Variants in NRG3 observed in about 807,000 individuals in gnomAD.
NRG3 encodes pro-neuregulin-3, membrane-bound isoform.
NRG3 carries 31 observed loss-of-function variants against 66.9 expected under a neutral mutation model. That is an observed-to-expected ratio of 0.46 (90% CI 0.35 to 0.63). The LOEUF is 0.63. NRG3 is among the 20% of genes least tolerant of loss of function. The probability of loss-of-function intolerance (pLI) is 0.00; values close to 1 mark genes in which losing one functional copy is unlikely to be tolerated. For missense variants in NRG3, 910 were observed against 878.9 expected (o/e 1.04, Z -0.45); for synonymous variants, 393 against 359.4 (o/e 1.09, Z -1.06).
At chr10:82,142,766 C>CTTTTTT (rs3036609) in intron 1 of NRG3, among the ~76,000 whole-genome samples, 3 of 110,630 alleles carry the variant, frequency 2.7e-5, no homozygotes, top group African/African-American at 3.5e-5. Flanking sequence ...CTCTCTCGCT[C>CTTTTTT]TTTTTTTTTT....
At chr10:82,894,041 G>A (rs1038356327) in intron 4 of NRG3, among the ~76,000 whole-genome samples, 2 of 152,126 alleles carry the variant, frequency 1.3e-5, no homozygotes, top group African/African-American at 4.8e-5. Flanking sequence ...AAACGTACCA[G>A]CAACACAATT....
chr10:82,211,370 C>T (rs1291323855), intron 1 of NRG3, among the ~76,000 whole-genome samples: 3 of 152,142 alleles, frequency 2.0e-5, no homozygotes, highest in Non-Finnish European at 4.4e-5. Context: ...AAAGAAACTT[C>T]TGGGCAGGAA....
chr10:82,915,190 CTA>C (rs1845710861), intron 4 of NRG3, among the ~76,000 whole-genome samples: 1 of 152,204 alleles, frequency 6.6e-6, no homozygotes, highest in Admixed American at 6.5e-5. Flanking sequence ...TCCCTGTAAT[CTA>C]TAACTGTATT....
intron 1 of NRG3, among the ~76,000 whole-genome samples, chr10:82,257,437 G>A (rs866073337): frequency 1.3e-5 from 2 of 152,018 alleles, no homozygotes; most frequent in Non-Finnish European, 2.9e-5. Flanking sequence ...TTTTGTAGGA[G>A]TGATTAGCAA....
At chr10:82,889,165 A>G (rs1189430317) in intron 4 of NRG3, among the ~76,000 whole-genome samples, 3 of 152,130 alleles carry the variant, frequency 2.0e-5, no homozygotes, top group African/African-American at 7.2e-5. Flanking sequence ...AGGGTAAAAC[A>G]ATCAGGTAGA....
chr10:81,878,242 A>ACAC, intron 1 of NRG3: 1 of 624,466 alleles, frequency 1.6e-6, no homozygotes, highest in Non-Finnish European at 2.7e-6. Flanking sequence ...GTTCACATAG[A>ACAC]CATATAAGCA....
intron 1 of NRG3, among the ~76,000 whole-genome samples, chr10:81,929,315 G>T (rs1162946802): frequency 6.6e-6 from 1 of 152,112 alleles, no homozygotes; most frequent in Non-Finnish European, 1.5e-5. Context: ...ACAAAAGTTG[G>T]ATTCCTCTCA....
chr10:82,202,518 G>A (rs2074892078), intron 1 of NRG3, among the ~76,000 whole-genome samples: 4 of 152,070 alleles, frequency 2.6e-5, no homozygotes, highest in Admixed American at 2.6e-4. Flanking sequence ...TTCGGTCAAT[G>A]AATAAGTGCT....
In NRG3 at chr10:82,373,811, A is replaced by G. The variant is rs959380330; in HGVS notation, c.953+14943A>G. 2.0e-5 allele frequency among the ~76,000 whole-genome samples: 3 copies of G among 152,330 alleles called. No homozygotes were observed. The East Asian group carries it at 5.8e-4, about 29-fold the overall frequency. ...GACAAGGTTTTATTTTCAGTGCACT[A>G]GAAAGCTCTTTCCTTTCTGCCTGGG... On this transcript the variant is annotated intron_variant, in intron 2 of 8. Transcript: ENST00000372141.
At chr10:82,085,551 A>G (rs1285830418) in intron 1 of NRG3, among the ~76,000 whole-genome samples, 1 of 152,062 alleles carries the variant, frequency 6.6e-6, no homozygotes. Context: ...AGAGAAGAAA[A>G]GGGGGACAGA....
intron 1 of NRG3, among the ~76,000 whole-genome samples, chr10:82,189,121 C>T (rs2073986365): frequency 2.0e-5 from 3 of 152,104 alleles, no homozygotes; most frequent in South Asian, 4.2e-4. Flanking sequence ...TCCCACTTCC[C>T]TTCCCAGCCT....
chr10:82,561,623 A>C (rs1450141867), intron 2 of NRG3, among the ~76,000 whole-genome samples: 1 of 152,154 alleles, frequency 6.6e-6, no homozygotes. Flanking sequence ...ACTGTGCTCC[A>C]TCCTGGGTTT....
intron 4 of NRG3, among the ~76,000 whole-genome samples, chr10:82,925,253 G>A (rs561458138): frequency 1.1e-4 from 17 of 152,350 alleles, no homozygotes; most frequent in Non-Finnish European, 1.9e-4. Context: ...AGTACAGGAA[G>A]ACAGTGTTTC....
intron 1 of NRG3, among the ~76,000 whole-genome samples, chr10:81,996,420 T>TA (rs1384023684): frequency 6.6e-6 from 1 of 152,208 alleles, no homozygotes; most frequent in Non-Finnish European, 1.5e-5. Context: ...TCTGTCACAA[T>TA]ATAGTAAGTT....
At chr10:82,473,527 G>T (rs1841471593) in intron 2 of NRG3, among the ~76,000 whole-genome samples, 1 of 152,134 alleles carries the variant, frequency 6.6e-6, no homozygotes, top group Admixed American at 6.5e-5. Context: ...ACTTTGTAGG[G>T]ACTCGGAAAT....
At chr10:82,563,921 G>A (rs1487947977) in intron 2 of NRG3, among the ~76,000 whole-genome samples, 1 of 151,954 alleles carries the variant, frequency 6.6e-6, no homozygotes, top group Admixed American at 6.6e-5. Flanking sequence ...AGTATCTTAA[G>A]ATGATATATT....
At chr10:82,438,638 G>T (rs2090272860) in intron 2 of NRG3, among the ~76,000 whole-genome samples, 1 of 152,202 alleles carries the variant, frequency 6.6e-6, no homozygotes, top group South Asian at 2.1e-4. Flanking sequence ...GCTTTCTGGG[G>T]TTGGGATGCT....
intron 3 of NRG3, among the ~76,000 whole-genome samples, chr10:82,795,683 A>G (rs1317231137): frequency 6.6e-6 from 1 of 152,220 alleles, no homozygotes; most frequent in African/African-American, 2.4e-5. Context: ...ATGGAAATCT[A>G]GTAAGCATCA....
At chr10:81,880,584 C>T (rs995990245) in intron 1 of NRG3, among the ~76,000 whole-genome samples, 1 of 152,146 alleles carries the variant, frequency 6.6e-6, no homozygotes, top group Admixed American at 6.5e-5. Flanking sequence ...AGCCCTTCCT[C>T]CCCTTTGTAC....
Sources: gnomAD v4.1 joint callset for allele counts (sites outside exome capture counted in the v4.1 genomes callset) on GRCh38, gnomAD v4.1.1 for gene constraint, MANE v1.5 for transcripts, NCBI Gene and HGNC (gene_info 2026-07-23, HGNC 2026-07-21) for gene names.